PRH1: variants seen among roughly 807,000 people sequenced by gnomAD.
PRH1 encodes the protein salivary acidic proline-rich phosphoprotein 1/2.
PRH1 carries 7 observed loss-of-function variants against 7.9 expected under a neutral mutation model. That is an observed-to-expected ratio of 0.89 (90% CI 0.50 to 1.67). The LOEUF is 1.67. PRH1 is among the 40% of genes most tolerant of loss of function. PRH1 has a pLI of 0.00. For missense variants in PRH1, 109 were observed against 223.6 expected (o/e 0.49, Z 3.27); for synonymous variants, 45 against 80.8 (o/e 0.56, Z 2.38).
At chr12:10,999,271 T>G (rs190040872) in intron 1 of PRH1, among the ~76,000 whole-genome samples, 1 of 152,238 alleles carries the variant, frequency 6.6e-6, no homozygotes. Flanking sequence ...AAAAATAGGT[T>G]GGAAATATCA....
At chr12:11,071,605 T>C (rs1384125816) in intron 1 of PRH1, among the ~76,000 whole-genome samples, 1 of 152,106 alleles carries the variant, frequency 6.6e-6, no homozygotes. Context: ...GGTGACAGAG[T>C]TGATTACCCT....
intron 1 of PRH1, among the ~76,000 whole-genome samples, chr12:11,066,943 T>A (rs1187973493): frequency 6.6e-6 from 1 of 152,278 alleles, no homozygotes; most frequent in Non-Finnish European, 1.5e-5. Flanking sequence ...TAGGATTCTA[T>A]TTTGGGGCTT....
At chr12:11,070,324 T>C (rs1944007307) in intron 1 of PRH1, among the ~76,000 whole-genome samples, 1 of 152,118 alleles carries the variant, frequency 6.6e-6, no homozygotes, top group African/African-American at 2.4e-5. Flanking sequence ...CAAGCATGTG[T>C]ACAACTCCAG....
At chr12:11,033,719 G>A (rs1942321842) in intron 1 of PRH1, among the ~76,000 whole-genome samples, 1 of 152,192 alleles carries the variant, frequency 6.6e-6, no homozygotes, top group Non-Finnish European at 1.5e-5. Flanking sequence ...TCTTAGAGTT[G>A]TATAGGAATG....
At chr12:11,052,008 G>T (rs2599419), upstream of PRH1, among the ~76,000 whole-genome samples, 2 of 146,776 alleles carry the variant, frequency 1.4e-5, no homozygotes, top group African/African-American at 4.9e-5. Context: ...AGAATTACAG[G>T]GTCCTTGATT....
chr12:10,987,952 A>T (rs1297338809), intron 1 of PRH1, among the ~76,000 whole-genome samples: 1 of 152,056 alleles, frequency 6.6e-6, no homozygotes, highest in Non-Finnish European at 1.5e-5. Flanking sequence ...AAATTGGTAG[A>T]TTTCACACCG....
At chr12:11,112,393 G>A (rs1465562132) in intron 1 of PRH1, among the ~76,000 whole-genome samples, 3 of 151,856 alleles carry the variant, frequency 2.0e-5, no homozygotes, top group Non-Finnish European at 2.9e-5. Flanking sequence ...ACATCGATGC[G>A]AAAATCCTCA....
At chr12:10,938,398 C>G (rs1284936462) in intron 2 of PRH1, 1 of 1,614,070 alleles carries the variant, frequency 6.2e-7, no homozygotes, top group African/African-American at 1.3e-5. Flanking sequence ...AAGGATAAGC[C>G]ATTCCCATCA....
At chr12:11,086,109 C>CG (rs1490337788) in intron 1 of PRH1, among the ~76,000 whole-genome samples, 1 of 19,588 alleles carries the variant, frequency 5.1e-5, no homozygotes, top group Non-Finnish European at 2.7e-4. Context: ...CACATTCCCC[C>CG]CCCCACACAC....
chr12:11,004,964 A>T (rs1395054587), intron 1 of PRH1, among the ~76,000 whole-genome samples: 1 of 152,172 alleles, frequency 6.6e-6, no homozygotes, highest in Admixed American at 6.6e-5. Flanking sequence ...GATTGGTATC[A>T]ACATATCATG....
intron 1 of PRH1, among the ~76,000 whole-genome samples, chr12:11,067,747 T>C (rs1454372416): frequency 6.6e-6 from 1 of 152,132 alleles, no homozygotes; most frequent in Non-Finnish European, 1.5e-5. Flanking sequence ...CCTGTTGTCC[T>C]AGCTACTCTG....
intron 1 of PRH1, among the ~76,000 whole-genome samples, chr12:10,985,386 C>T (rs1939561759): frequency 6.6e-6 from 1 of 151,852 alleles, no homozygotes; most frequent in Non-Finnish European, 1.5e-5. Context: ...TGGCTATAAA[C>T]TAAACATAAA....
chr12:11,018,851 C>T, intron 1 of PRH1, among the ~76,000 whole-genome samples: 1 of 152,248 alleles, frequency 6.6e-6, no homozygotes, highest in Non-Finnish European at 1.5e-5. Flanking sequence ...TGTCAAGTCT[C>T]AAGGAGAGAT....
intron 1 of PRH1, chr12:11,006,181 C>T (rs1940822283): frequency 6.6e-6 from 1 of 151,870 alleles, no homozygotes; most frequent in African/African-American, 2.4e-5. Context: ...AGTATGATCA[C>T]CAAAAAACAC....
chr12:10,938,506 G>T (rs769748875), intron 2 of PRH1: 31 of 1,614,068 alleles, frequency 1.9e-5, no homozygotes, highest in Middle Eastern at 3.3e-4. Flanking sequence ...GGAAGAAAGT[G>T]ATCACACTTT....
chr12:10,908,766 G>C (rs769906007), intron 2 of PRH1: 1 of 1,613,898 alleles, frequency 6.2e-7, no homozygotes, highest in Non-Finnish European at 8.5e-7. Context: ...GAATTTGACC[G>C]ACACTGAAAA....
At chr12:11,105,912 C>A (rs2708357) in intron 1 of PRH1, among the ~76,000 whole-genome samples, 64,935 of 144,832 alleles carry the variant, frequency 0.45, 16,272 homozygotes, top group Non-Finnish European at 0.52. Context: ...CCTGGTTGCT[C>A]CTAATACTTT....
At chr12:11,122,725 C>G (rs1373390096) in intron 1 of PRH1, among the ~76,000 whole-genome samples, 1 of 152,190 alleles carries the variant, frequency 6.6e-6, no homozygotes, top group Non-Finnish European at 1.5e-5. Flanking sequence ...TGGATTTTTC[C>G]CTTCAGTATA....
At chr12:11,117,399 T>C (rs548978997), downstream of PRH1, among the ~76,000 whole-genome samples, 1 of 151,984 alleles carries the variant, frequency 6.6e-6, no homozygotes, top group Admixed American at 6.5e-5. Context: ...AAAACTCTAA[T>C]GAAAGAAATG....
Sources: allele counts gnomAD v4.1 joint callset (sites outside exome capture counted in the v4.1 genomes callset), GRCh38; gene constraint gnomAD v4.1.1; transcripts MANE v1.5; gene names NCBI Gene and HGNC (gene_info 2026-07-23, HGNC 2026-07-21).